COL24A1: variants seen among roughly 807,000 people sequenced by gnomAD.
COL24A1 encodes collagen type XXIV alpha 1 chain, also known as collagen alpha-1(XXIV) chain.
A neutral mutation model predicts 253.9 loss-of-function variants in COL24A1; 224 were observed. The observed-to-expected ratio is 0.88, with a 90% CI of 0.79 to 0.99. COL24A1 has a LOEUF of 0.99. Among genes scored for constraint, COL24A1 ranks in the 50% least tolerant of loss-of-function variants. The pLI is 0.00. For synonymous variants in COL24A1, 685 were observed against 673.7 expected (o/e 1.02, Z -0.26); for missense variants, 2,131 against 2,068.5 (o/e 1.03, Z -0.59).
chr1:85,972,475 C>T (rs978906235), intron 20 of COL24A1, among the ~76,000 whole-genome samples: 1 of 152,106 alleles, frequency 6.6e-6, no homozygotes, highest in East Asian at 1.9e-4. Flanking sequence ...TTACTTTAGA[C>T]AATAACCTAA....
chr1:86,119,311 C>A (rs1216155459), intron 3 of COL24A1, among the ~76,000 whole-genome samples: 1 of 150,810 alleles, frequency 6.6e-6, no homozygotes, highest in Admixed American at 6.7e-5. Context: ...AGACCTCAAA[C>A]CTTGGATACA....
chr1:86,092,343 A>G, intron 5 of COL24A1, 23 bp from the exon 6 acceptor site: 1 of 1,570,064 alleles, frequency 6.4e-7, no homozygotes, highest in Non-Finnish European at 8.7e-7. Flanking sequence ...GTTATAAAAC[A>G]GTTGGTGAAG....
rs1199440552 is a variant in COL24A1 at position 85,832,703 on chromosome 1, T to C, written c.3681+5882A>G. Among the ~76,000 whole-genome samples, 381 of 151,238 alleles carry C rather than the reference T, an allele frequency of 2.5e-3. 1 individual carries two copies. The highest frequency in any genetic ancestry group is 7.4e-3 in the African/African-American group (303 of 41,006). On this transcript the variant is annotated intron_variant, in intron 43 of 59. Coordinates refer to ENST00000370571, the MANE Select transcript of COL24A1 (RefSeq NM_152890.7). ...CTTTGAAGCAATTGTGAATGGGAGT[T>C]CACTCATGATTTGGCTCTCTGTTTG...
At chr1:85,876,202 T>C (rs1467993921) in intron 33 of COL24A1, among the ~76,000 whole-genome samples, 1 of 151,886 alleles carries the variant, frequency 6.6e-6, no homozygotes, top group Non-Finnish European at 1.5e-5. Context: ...GTGTAGGGGC[T>C]ATTACACTGG....
intron 24 of COL24A1, among the ~76,000 whole-genome samples, chr1:85,936,288 G>T (rs1688240824): frequency 6.8e-6 from 1 of 147,142 alleles, no homozygotes; most frequent in South Asian, 2.4e-4. Flanking sequence ...TTATAATTTA[G>T]CATTCTCCCC....
chr1:85,730,915 C>T (rs115563579), intron 59 of COL24A1, among the ~76,000 whole-genome samples: 2,790 of 152,260 alleles, frequency 0.018, 40 homozygotes, highest in Non-Finnish European at 0.032. Context: ...TTTTTCACTT[C>T]CAGAGGCTAA....
At chr1:86,096,761 T>A (rs755487983) in intron 5 of COL24A1, among the ~76,000 whole-genome samples, 1 of 152,234 alleles carries the variant, frequency 6.6e-6, no homozygotes, top group Non-Finnish European at 1.5e-5. Flanking sequence ...AAAAAATTCA[T>A]GTTGACAAAC....
intron 5 of COL24A1, among the ~76,000 whole-genome samples, chr1:86,093,777 T>G (rs189096671): frequency 9.7e-4 from 147 of 151,960 alleles, no homozygotes; most frequent in Admixed American, 3.4e-3. Context: ...TATAGGAACT[T>G]AAACAAATTT....
intron 7 of COL24A1, among the ~76,000 whole-genome samples, chr1:86,085,992 A>T (rs1449240600): frequency 6.6e-6 from 1 of 152,010 alleles, no homozygotes; most frequent in African/African-American, 2.4e-5. Context: ...TTTTACATTA[A>T]TCTTCTCTTT....
chr1:86,137,727 C>G (rs571637089), intron 2 of COL24A1, among the ~76,000 whole-genome samples: 1 of 152,278 alleles, frequency 6.6e-6, no homozygotes, highest in East Asian at 1.9e-4. Flanking sequence ...TCACAAACCT[C>G]TCTTCTGGGC....
rs560366505 is a variant in COL24A1 at position 86,081,377 on chromosome 1, A to T, written c.1707+7797T>A. The stretch of plus-strand genomic sequence containing the variant: ...TTGTCCTATTCATCACTACTACTTT[A>T]CTCATTTATGTCTAAAAGTTCACCT... On this transcript the variant is annotated intron_variant, in intron 7 of 59. Transcript: ENST00000370571. Among the ~76,000 whole-genome samples the T allele has an allele frequency of 2.0e-5, 3 of 151,708 alleles. No homozygotes were observed. The South Asian group carries it at 6.2e-4, about 32-fold the overall frequency.
chr1:86,037,400 T>C lies in COL24A1; in HGVS notation c.1951-3477A>G, dbSNP rs1040922397. Among the ~76,000 whole-genome samples, 12 of 152,190 alleles carry C rather than the reference T, an allele frequency of 7.9e-5. No individual in the cohort carries two copies. In the East Asian group the frequency reaches 2.1e-3, roughly 27 times the overall value. On this transcript the variant is annotated intron_variant, in intron 12 of 59. Transcript: ENST00000370571. ...AGCCTGGAGCTAGAGACTTCTCTTA[T>C]GAGTTTGATGAAGTAAGCAGCTGTG... is the stretch of plus-strand genomic sequence containing the variant.
intron 37 of COL24A1, among the ~76,000 whole-genome samples, chr1:85,861,013 G>A (rs1057223136): frequency 2.0e-5 from 3 of 152,108 alleles, no homozygotes; most frequent in South Asian, 2.1e-4. Context: ...TTGGACATAC[G>A]TACCTAGAAG....
chr1:85,848,555 C>T (rs200924484), intron 38 of COL24A1, among the ~76,000 whole-genome samples: 1 of 152,156 alleles, frequency 6.6e-6, no homozygotes, highest in East Asian at 1.9e-4. Context: ...AGCGATCCGC[C>T]CACCTCGGCC....
At chr1:85,997,957 G>C (rs2134411) in intron 19 of COL24A1, among the ~76,000 whole-genome samples, 1 of 152,080 alleles carries the variant, frequency 6.6e-6, no homozygotes, top group Non-Finnish European at 1.5e-5. Context: ...AGCCAACAGA[G>C]AAATGCCAGG....
At chr1:85,761,914 G>A (rs1390204424) in intron 53 of COL24A1, among the ~76,000 whole-genome samples, 1 of 151,688 alleles carries the variant, frequency 6.6e-6, no homozygotes, top group African/African-American at 2.4e-5. Flanking sequence ...TAGAAACTTC[G>A]GTGTTCTTAG....
intron 47 of COL24A1, among the ~76,000 whole-genome samples, chr1:85,813,803 G>A (rs1031632106): frequency 1.1e-4 from 17 of 151,870 alleles, no homozygotes; most frequent in South Asian, 2.1e-4. Flanking sequence ...CGCCCGCCTC[G>A]GCCTCCCAAA....
chr1:85,758,237 A>G (rs1666467080), intron 55 of COL24A1, among the ~76,000 whole-genome samples: 1 of 150,910 alleles, frequency 6.6e-6, no homozygotes, highest in African/African-American at 2.4e-5. Flanking sequence ...CCTCTTTATG[A>G]TAGAAGTTTT....
chr1:85,744,689 T>G lies in COL24A1; in HGVS notation c.4649A>C (p.Asn1550Thr). 1 of 1,608,234 alleles carries G rather than the reference T, an allele frequency of 6.2e-7. No homozygotes were observed. Among genetic ancestry groups the G allele is most frequent in the South Asian group, 1.1e-5 (1 of 89,868 alleles). ...NPARICKDLL[N>T]CEQKVSDGKY... is the part of the protein sequence containing the mutation. ...ACCATCTGATACTTTTTGTTCACAG[T>G]TAAGTAAATCTTTGCAGATTCGTGC... The change falls in exon 57 of 60, where the codon AAC becomes ACC. Residue 1550 changes from asparagine (N) to threonine (T), a missense_variant. Physicochemically the swap from Asn to Thr is moderately conservative, Grantham distance 65. Coordinates refer to ENST00000370571, the MANE Select transcript of COL24A1 (RefSeq NM_152890.7).
Sources: gnomAD v4.1 joint callset for allele counts (sites outside exome capture counted in the v4.1 genomes callset) on GRCh38, gnomAD v4.1.1 for gene constraint, MANE v1.5 for transcripts, NCBI Gene and HGNC (gene_info 2026-07-23, HGNC 2026-07-21) for gene names.